The following DOCK7 variants were observed in gnomAD, a reference collection of about 807,000 sequenced individuals.
The protein encoded by DOCK7 is dedicator of cytokinesis protein 7.
A neutral mutation model predicts 271.0 loss-of-function variants in DOCK7; 138 were observed. The observed-to-expected ratio is 0.51, with a 90% CI of 0.44 to 0.59. The LOEUF (loss-of-function observed/expected upper bound fraction) is 0.59. Among genes scored for constraint, DOCK7 ranks in the 20% least tolerant of loss-of-function variants. The pLI is 0.00. For missense variants in DOCK7, 2,066 were observed against 2,592.4 expected (o/e 0.80, Z 4.41); for synonymous variants, 823 against 876.1 (o/e 0.94, Z 1.07).
intron 1 of DOCK7, among the ~76,000 whole-genome samples, chr1:62,682,596 A>G (rs1478026964): frequency 1.3e-5 from 2 of 152,204 alleles, no homozygotes; most frequent in Admixed American, 1.3e-4. Context: ...GAAAAAAGTC[A>G]AAGTTTCCTA....
intron 41 of DOCK7, among the ~76,000 whole-genome samples, chr1:62,489,812 C>A (rs1416207278): frequency 6.6e-6 from 1 of 152,136 alleles, no homozygotes; most frequent in Non-Finnish European, 1.5e-5. Flanking sequence ...CACAGATACC[C>A]AATTCTCCTA....
At position 62,604,718 on chromosome 1, in the gene DOCK7, G is replaced by A. The variant is rs1196457133; in HGVS notation, c.1682+13988C>T. 47 of 1,613,068 alleles carry A rather than the reference G, an allele frequency of 2.9e-5. No homozygotes were observed. The highest frequency in any genetic ancestry group is 6.7e-5 in the Admixed American group (4 of 59,918). On this transcript the variant is annotated intron_variant, in intron 14 of 49. Transcript: ENST00000635253. ...CAAGAGCAAAATCTAAGCCAGAGAG[G>A]AGAAGAGGATTATCTTGGAAGTCTC...
intron 37 of DOCK7, among the ~76,000 whole-genome samples, chr1:62,503,769 C>T (rs1646855523): frequency 1.3e-5 from 2 of 152,016 alleles, no homozygotes; most frequent in Admixed American, 1.3e-4. Flanking sequence ...GGCTAGCAGC[C>T]AGGCGCGGTG....
chr1:62,639,504 G>A (rs1000939254), intron 7 of DOCK7, among the ~76,000 whole-genome samples: 2 of 128,118 alleles, frequency 1.6e-5, no homozygotes, highest in African/African-American at 3.1e-5. Context: ...GCTCGATCTC[G>A]GCTCACTGCA....
intron 14 of DOCK7, chr1:62,602,371 A>C: frequency 6.2e-7 from 1 of 1,610,474 alleles, no homozygotes; most frequent in Middle Eastern, 1.7e-4. Flanking sequence ...TGGTTTTGGG[A>C]GGCTTGATGG....
Position 62,636,528 on chromosome 1 carries a change from T to C in DOCK7, c.885+9A>G. On this transcript the variant is annotated intron_variant, in intron 8 of 49. Coordinates refer to ENST00000635253, the MANE Select transcript of DOCK7 (RefSeq NM_001367561.1). ...GACAAATAACTATGGTCAAATTATA[T>C]AATCTTACCTTTTTCTTTTCCTTGA... 6.3e-7 allele frequency: 1 copy of C among 1,584,976 alleles called. No individual in the cohort carries two copies. The highest frequency in any genetic ancestry group is 1.2e-5 in the South Asian group (1 of 86,318).
chr1:62,595,064 G>T (rs1392511752), intron 14 of DOCK7, among the ~76,000 whole-genome samples: 2 of 151,818 alleles, frequency 1.3e-5, no homozygotes, highest in Non-Finnish European at 2.9e-5. Flanking sequence ...AGATGGAAAT[G>T]AAGAATATTT....
chr1:62,661,379 T>C (rs1251605565), intron 2 of DOCK7, among the ~76,000 whole-genome samples: 1 of 152,168 alleles, frequency 6.6e-6, no homozygotes, highest in African/African-American at 2.4e-5. Flanking sequence ...ACTGTAAATG[T>C]ACTTAATGCC....
In DOCK7 at chr1:62,653,868, C is replaced by T. The variant is rs188341284; in HGVS notation, c.321-75G>A. 62 of 1,461,448 alleles carry T rather than the reference C, an allele frequency of 4.2e-5. No individual in the cohort carries two copies. In the Admixed American group the frequency reaches 1.0e-3, roughly 25 times the overall value. The allele number at this position is 1,461,448 out of a possible 1,614,324, so 90.5% of individuals were successfully genotyped here. A position where few individuals can be genotyped will look rare whatever the true frequency, so the allele number is the denominator to read the frequency against. ...TGTTCATTAATTTGGTTGCTACAAT[C>T]GCTGTTTGCGTAACAGGAAATGATG... is the stretch of plus-strand genomic sequence containing the variant. On this transcript the variant is annotated intron_variant, in intron 3 of 49. Coordinates refer to ENST00000635253, the MANE Select transcript of DOCK7 (RefSeq NM_001367561.1).
chr1:62,638,492 C>T (rs1203782696), intron 7 of DOCK7: 1 of 149,702 alleles, frequency 6.7e-6, no homozygotes, highest in Non-Finnish European at 1.5e-5. Flanking sequence ...TCATGGGAGG[C>T]AGTGGTCAAG....
chr1:62,465,097 C>A (rs1645638501), intron 48 of DOCK7, among the ~76,000 whole-genome samples: 1 of 152,174 alleles, frequency 6.6e-6, no homozygotes, highest in African/African-American at 2.4e-5. Flanking sequence ...CTGAAAAAAA[C>A]TGCAGTACAT....
At chr1:62,553,087 T>C (rs1367914136) in intron 21 of DOCK7, among the ~76,000 whole-genome samples, 186 bp from the exon 22 acceptor site, 2 of 129,492 alleles carry the variant, frequency 1.5e-5, no homozygotes, top group African/African-American at 3.0e-5. Context: ...CAGGCTGGAG[T>C]GCAGTGGCTT....
In DOCK7 at chr1:62,475,659, T is replaced by A. The variant is rs778990607; in HGVS notation, c.5961+48A>T. On this transcript the variant is annotated intron_variant, in intron 46 of 49. Transcript: ENST00000635253. ...TACATCTGAGTTGTTGTTACATGGC[T>A]TGAATGTATTTGCTTCACTAATGCT... is the stretch of plus-strand genomic sequence containing the variant. The A allele has an allele frequency of 5.9e-6, 9 of 1,521,974 alleles. No homozygotes were observed. In the Admixed American group the frequency reaches 1.5e-4, roughly 26 times the overall value. 94.3% of individuals were successfully genotyped at this position (1,521,974 alleles called of 1,614,324 possible). A position where few individuals can be genotyped will look rare whatever the true frequency, so the allele number is the denominator to read the frequency against.
At chr1:62,493,834 TA>T (rs1646537435) in intron 40 of DOCK7, among the ~76,000 whole-genome samples, 1 of 152,206 alleles carries the variant, frequency 6.6e-6, no homozygotes, top group African/African-American at 2.4e-5. Context: ...TTATGTACCC[TA>T]CTAGAGGGCA....
rs1571357243 is a variant in DOCK7 at position 62,514,003 on chromosome 1, A to T, written c.3937-105T>A. 20 of 1,000,756 alleles carry T rather than the reference A, an allele frequency of 2.0e-5. 1 individual carries two copies. In the East Asian group the frequency reaches 5.1e-4, roughly 25 times the overall value. The allele number at this position is 1,000,756 out of a possible 1,614,324, so 62.0% of individuals were successfully genotyped here. A position where few individuals can be genotyped will look rare whatever the true frequency, so the allele number is the denominator to read the frequency against. Reference sequence around the variant, plus strand: ...AAAAACAATAAAACAAAAGTTGCTTAAAAATAATATAATTAAAAACCATTT... The same window carrying T: ...AAAAACAATAAAACAAAAGTTGCTTTAAAATAATATAATTAAAAACCATTT... On this transcript the variant is annotated intron_variant, in intron 31 of 49. Coordinates refer to ENST00000635253, the MANE Select transcript of DOCK7 (RefSeq NM_001367561.1).
intron 18 of DOCK7, among the ~76,000 whole-genome samples, chr1:62,573,155 G>C (rs1324931294): frequency 3.3e-5 from 5 of 152,186 alleles, no homozygotes; most frequent in Admixed American, 6.5e-5. Context: ...TTGAGGAAAT[G>C]CTGCTGTGTC....
intron 44 of DOCK7, 30 bp downstream of exon 44, chr1:62,477,670 T>G: frequency 6.4e-7 from 1 of 1,556,094 alleles, no homozygotes. Context: ...AAACTAAAGA[T>G]GACATTTTAT....
rs116474628 is a variant in DOCK7, at chr1:62,627,154, C to T, written c.1283-1753G>A. 2.8e-3 allele frequency among the ~76,000 whole-genome samples: 424 copies of T among 152,148 alleles called. 3 individuals are homozygous for T. Among genetic ancestry groups the T allele is most frequent in the African/African-American group, 9.9e-3 (411 of 41,522 alleles). On this transcript the variant is annotated intron_variant, in intron 11 of 49. Transcript: ENST00000635253. ...ACAGGACAAATAATTCTAATAGAGGCAGAAAAAGTATTTTACAAAATCTAA... is the reference window on the plus strand; with the variant it reads ...ACAGGACAAATAATTCTAATAGAGGTAGAAAAAGTATTTTACAAAATCTAA...
rs1316101126 is a variant in DOCK7, at chr1:62,555,964, T to C, written c.2457A>G (p.Glu819=). 2 of 1,613,664 alleles carry C rather than the reference T, an allele frequency of 1.2e-6. No homozygotes were observed. The highest frequency in any genetic ancestry group is 2.7e-5 in the African/African-American group (2 of 74,938). Residue 819 remains glutamate (E), a synonymous_variant, in exon 21 of 50, where the codon GAA becomes GAG. Transcript: ENST00000635253. ...GTCGATTTATAATTGATGCCATGGC[T>C]TCAAAAGATGCTTGACCTAGGTTAA... ...QIVNLGQASF[E]AMASIINRLH...
Sources: gnomAD v4.1 joint callset for allele counts (sites outside exome capture counted in the v4.1 genomes callset) on GRCh38, gnomAD v4.1.1 for gene constraint, MANE v1.5 for transcripts, NCBI Gene and HGNC (gene_info 2026-07-23, HGNC 2026-07-21) for gene names.